The following SEMA6A variants were observed in gnomAD, a reference collection of about 807,000 sequenced individuals.
SEMA6A encodes the protein semaphorin-6A.
SEMA6A carries 25 observed loss-of-function variants against 96.8 expected under a neutral mutation model. That is an observed-to-expected ratio of 0.26 (90% CI 0.19 to 0.36). The LOEUF is 0.36. SEMA6A is among the 10% of genes least tolerant of loss of function. The pLI, the probability that SEMA6A is intolerant of heterozygous loss-of-function variation, is 1.00. For missense variants in SEMA6A, 1,363 were observed against 1,323.1 expected (o/e 1.03, Z -0.47); for synonymous variants, 612 against 518.0 (o/e 1.18, Z -2.46).
At chr5:116,489,087 T>C in intron 7 of SEMA6A, 80 bp from the exon 8 acceptor site, 18 of 1,415,642 alleles carry the variant, frequency 1.3e-5, no homozygotes, top group Non-Finnish European at 1.4e-5. Flanking sequence ...ATCCCCTAGA[T>C]TGCTTTCCAA....
intron 17 of SEMA6A, chr5:116,467,981 C>G (rs573095260): frequency 3.2e-5 from 16 of 505,226 alleles, no homozygotes; most frequent in Non-Finnish European, 5.3e-5. Flanking sequence ...GATCCTATCT[C>G]TCATACTTGC....
At chr5:116,504,293 A>C (rs1758036978) in intron 2 of SEMA6A, among the ~76,000 whole-genome samples, 2 of 152,216 alleles carry the variant, frequency 1.3e-5, no homozygotes, top group Non-Finnish European at 2.9e-5. Context: ...CTGAATTCTT[A>C]ATCATGTTAG....
chr5:116,491,702 C>CA, intron 7 of SEMA6A, 38 bp downstream of exon 7: 2 of 1,534,552 alleles, frequency 1.3e-6, no homozygotes, highest in Non-Finnish European at 1.8e-6. Flanking sequence ...ATGAAACAAG[C>CA]AAAAGCAAGT....
intron 1 of SEMA6A, among the ~76,000 whole-genome samples, chr5:116,506,641 C>T (rs1758157616): frequency 6.6e-6 from 1 of 151,086 alleles, no homozygotes; most frequent in South Asian, 2.1e-4. Flanking sequence ...ATAAACAAGA[C>T]ACCAGTCAGC....
At chr5:116,538,253 T>C (rs1759811809) in intron 1 of SEMA6A, among the ~76,000 whole-genome samples, 2 of 152,322 alleles carry the variant, frequency 1.3e-5, no homozygotes, top group East Asian at 3.9e-4. Context: ...ATGAATATTA[T>C]GCCTCTGATC....
chr5:116,532,448 A>C (rs1034912776), intron 1 of SEMA6A, among the ~76,000 whole-genome samples: 1 of 152,212 alleles, frequency 6.6e-6, no homozygotes, highest in African/African-American at 2.4e-5. Flanking sequence ...ATGTAACTCC[A>C]TGTTTACTGC....
chr5:116,449,329 C>T (rs1754482623), intron 18 of SEMA6A: 2 of 702,272 alleles, frequency 2.8e-6, no homozygotes, highest in Non-Finnish European at 5.2e-6. Context: ...TCTCTGGTCT[C>T]GGGAGACGCA....
At chr5:116,520,920 T>C (rs1758917396) in intron 1 of SEMA6A, among the ~76,000 whole-genome samples, 1 of 152,170 alleles carries the variant, frequency 6.6e-6, no homozygotes, top group Non-Finnish European at 1.5e-5. Context: ...GATCCTGCTG[T>C]GGACTCAAAC....
intron 1 of SEMA6A, among the ~76,000 whole-genome samples, chr5:116,551,926 T>C (rs1760431975): frequency 6.6e-6 from 1 of 152,218 alleles, no homozygotes. Context: ...CGTAGGACTT[T>C]AAAACATATC....
intron 1 of SEMA6A, among the ~76,000 whole-genome samples, chr5:116,538,734 AAAT>A (rs1317237836): frequency 6.6e-6 from 1 of 152,158 alleles, no homozygotes; most frequent in Non-Finnish European, 1.5e-5. Flanking sequence ...TCTAATGATA[AAAT>A]AAATAAATAA....
chr5:116,489,932 C>G (rs187760569), intron 7 of SEMA6A, among the ~76,000 whole-genome samples: 1 of 152,094 alleles, frequency 6.6e-6, no homozygotes, highest in South Asian at 2.1e-4. Context: ...AAATTACTTC[C>G]GTGATTCACT....
At chr5:116,522,621 A>C (rs569082177) in intron 1 of SEMA6A, among the ~76,000 whole-genome samples, 2 of 152,262 alleles carry the variant, frequency 1.3e-5, no homozygotes, top group Non-Finnish European at 1.5e-5. Context: ...AAGGCAGGCC[A>C]CAGTGCAGTC....
intron 1 of SEMA6A, among the ~76,000 whole-genome samples, chr5:116,507,546 G>A (rs1282438305): frequency 2.0e-5 from 3 of 152,186 alleles, no homozygotes; most frequent in Non-Finnish European, 4.4e-5. Context: ...TGAGTGAGCA[G>A]TGTTGCTGCA....
chr5:116,570,681 T>C (rs1761176808), intron 1 of SEMA6A, among the ~76,000 whole-genome samples: 1 of 152,208 alleles, frequency 6.6e-6, no homozygotes, highest in African/African-American at 2.4e-5. Context: ...AAAAAAACTT[T>C]CATCCCATCA....
chr5:116,463,835 T>G (rs1439507534), intron 18 of SEMA6A, among the ~76,000 whole-genome samples: 1 of 152,218 alleles, frequency 6.6e-6, no homozygotes, highest in African/African-American at 2.4e-5. Flanking sequence ...GGATTTTTAT[T>G]CTATTCAGGA....
chr5:116,503,717 A>G lies in SEMA6A; in HGVS notation c.100+1128T>C, dbSNP rs550431727. Reference sequence around the variant, plus strand: ...TATTTTAGTAGAGACAGTTTTCACCATGTTGGCCAGGATGGTCTCCATCCT... The same window carrying G: ...TATTTTAGTAGAGACAGTTTTCACCGTGTTGGCCAGGATGGTCTCCATCCT... On this transcript the variant is annotated intron_variant, in intron 2 of 18. Coordinates refer to ENST00000343348, the MANE Select transcript of SEMA6A (RefSeq NM_020796.5). Among the ~76,000 whole-genome samples, 11 of 152,042 alleles carry G rather than the reference A, an allele frequency of 7.2e-5. No individual in the cohort carries two copies. In the South Asian group the frequency reaches 1.5e-3, roughly 20 times the overall value.
intron 1 of SEMA6A, among the ~76,000 whole-genome samples, chr5:116,555,929 C>T (rs1244875604): frequency 6.6e-6 from 1 of 152,178 alleles, no homozygotes; most frequent in Non-Finnish European, 1.5e-5. Context: ...TCCAAATACA[C>T]AATCTACATT....
intron 18 of SEMA6A, 142 bp from the exon 19 acceptor site, chr5:116,447,953 C>G: frequency 1.4e-6 from 1 of 708,412 alleles, no homozygotes; most frequent in Non-Finnish European, 2.3e-6. Context: ...GCTCAGCTTG[C>G]CAAACATTAA....
chr5:116,523,945 T>C (rs1324399594), intron 1 of SEMA6A, among the ~76,000 whole-genome samples: 1 of 152,216 alleles, frequency 6.6e-6, no homozygotes, highest in African/African-American at 2.4e-5. Flanking sequence ...AAACCTTTAC[T>C]TGTGCCAGCT....
Sources: allele counts gnomAD v4.1 joint callset (sites outside exome capture counted in the v4.1 genomes callset), GRCh38; gene constraint gnomAD v4.1.1; transcripts MANE v1.5; gene names NCBI Gene and HGNC (gene_info 2026-07-23, HGNC 2026-07-21).